OLFM1: variants seen among roughly 807,000 people sequenced by gnomAD.
The protein encoded by OLFM1 is noelin.
OLFM1 carries 9 observed loss-of-function variants against 49.7 expected under a neutral mutation model. That is an observed-to-expected ratio of 0.18 (90% CI 0.11 to 0.32). OLFM1 has a LOEUF of 0.32. OLFM1 is among the 10% of genes least tolerant of loss of function. The pLI, the probability that OLFM1 is intolerant of heterozygous loss-of-function variation, is 1.00. For synonymous variants in OLFM1, 240 were observed against 271.8 expected (o/e 0.88, Z 1.15); for missense variants, 369 against 661.8 (o/e 0.56, Z 4.85).
rs558966792 is a variant in OLFM1, at chr9:135,080,074, A to G, written c.96+4272A>G. On this transcript the variant is annotated intron_variant, in intron 1 of 5. Coordinates refer to the OLFM1 transcript ENST00000252854. This position sits in a 1 kb window ranked among gnomAD's most constrained non-coding sequence, Gnocchi z 4.5. ...CTGACTTAGGCTTTCAGAGAACCCC[A>G]GTGAGGCCCATCCCTCTGAATCTGT... Among the ~76,000 whole-genome samples, 7 of 151,646 alleles carry G rather than the reference A, an allele frequency of 4.6e-5. No individual in the cohort carries two copies. The East Asian group carries it at 1.4e-3, about 30-fold the overall frequency.
chr9:135,099,816 G>A (rs1056997603), intron 4 of OLFM1, among the ~76,000 whole-genome samples: 5 of 152,206 alleles, frequency 3.3e-5, no homozygotes, highest in African/African-American at 9.7e-5. Flanking sequence ...CCCAGGAGGG[G>A]GGTCTGGGCC....
At chr9:135,103,577 G>A (rs1422033228) in intron 4 of OLFM1, among the ~76,000 whole-genome samples, 2 of 152,240 alleles carry the variant, frequency 1.3e-5, no homozygotes, top group Admixed American at 1.3e-4. Context: ...GAGCCAGTGG[G>A]GCCCATGCAG....
At chr9:135,091,590 GTC>G (rs1830693064) in intron 2 of OLFM1, among the ~76,000 whole-genome samples, 1 of 79,318 alleles carries the variant, frequency 1.3e-5, no homozygotes, top group East Asian at 3.5e-4. Flanking sequence ...CACACTCACA[GTC>G]ACACACTCAC....
chr9:135,097,339 G>T lies in OLFM1; in HGVS notation c.457-947G>T, dbSNP rs147420240. 2.9e-3 allele frequency among the ~76,000 whole-genome samples: 438 copies of T among 152,266 alleles called. 3 individuals are homozygous for T. Among genetic ancestry groups the T allele is most frequent in the African/African-American group, 0.01 (419 of 41,552 alleles). On this transcript the variant is annotated intron_variant, in intron 3 of 5. Transcript: ENST00000371793. ...ACATTTTTGTCCTCGCATCTGGCTG[G>T]TCATCATGAATTACTCTGGAGGGAG...
chr9:135,113,423 G>A lies in OLFM1; in HGVS notation c.784-6081G>A, dbSNP rs534272647. ...AACCACCAAGCCCACTCGAGTCCCG[G>A]GCTAAGGACATAAATGATGATAGCT... On this transcript the variant is annotated intron_variant, in intron 5 of 5. Transcript: ENST00000371793. This position sits in a 1 kb window ranked among gnomAD's most constrained non-coding sequence, Gnocchi z 4.0. 4.6e-5 allele frequency among the ~76,000 whole-genome samples: 7 copies of A among 152,260 alleles called. No individual in the cohort carries two copies. In the East Asian group the frequency reaches 1.4e-3, roughly 29 times the overall value.
upstream of OLFM1, among the ~76,000 whole-genome samples, chr9:135,082,957 C>G (rs1009585816): frequency 2.0e-5 from 3 of 152,196 alleles, no homozygotes; most frequent in Non-Finnish European, 2.9e-5. Context: ...CTGGCAGCAC[C>G]AAATCCTTGG....
At chr9:135,097,714 A>T in intron 3 of OLFM1, 1 of 1,296,396 alleles carries the variant, frequency 7.7e-7, no homozygotes, top group Non-Finnish European at 1.1e-6. Flanking sequence ...GTGTTTCCTG[A>T]TGGCTGTCTG....
intron 5 of OLFM1, among the ~76,000 whole-genome samples, chr9:135,114,692 G>A (rs1831072411): frequency 6.6e-6 from 1 of 152,054 alleles, no homozygotes; most frequent in Admixed American, 6.5e-5. Context: ...GCCTGGGGAG[G>A]GAGGGAGGGG....
chr9:135,103,224 C>T (rs1450284468), intron 4 of OLFM1, among the ~76,000 whole-genome samples: 1 of 152,246 alleles, frequency 6.6e-6, no homozygotes, highest in Non-Finnish European at 1.5e-5. Flanking sequence ...CTTGTGTGTG[C>T]ATCCTGAGTG....
intron 4 of OLFM1, among the ~76,000 whole-genome samples, chr9:135,101,125 C>G (rs959543795): frequency 6.6e-6 from 1 of 152,220 alleles, no homozygotes; most frequent in African/African-American, 2.4e-5. Flanking sequence ...AGCCTGTTCC[C>G]TTGCTGGGAG....
intron 5 of OLFM1, among the ~76,000 whole-genome samples, chr9:135,116,892 A>T (rs768008470): frequency 6.6e-6 from 1 of 150,888 alleles, no homozygotes; most frequent in Non-Finnish European, 1.5e-5. Flanking sequence ...AAAAAAAAAG[A>T]TCTCATTAAA....
chr9:135,090,473 C>G (rs1830670047), intron 2 of OLFM1, 129 bp downstream of exon 2: 2 of 930,810 alleles, frequency 2.1e-6, no homozygotes, highest in South Asian at 1.7e-5. Flanking sequence ...TTGACTCTTT[C>G]CTGGTTTGTC....
At chr9:135,097,869 T>C in intron 3 of OLFM1, 3 of 1,596,542 alleles carry the variant, frequency 1.9e-6, no homozygotes, top group Non-Finnish European at 2.6e-6. Flanking sequence ...AGAGAGCTTT[T>C]TGCACCATGC....
chr9:135,120,505 A>C lies in OLFM1; in HGVS notation c.*327A>C, dbSNP rs1831172384. The C allele has an allele frequency of 9.6e-6, 3 of 312,512 alleles. No homozygotes were observed. Among genetic ancestry groups the C allele is most frequent in the Admixed American group, 4.8e-5 (1 of 21,016 alleles). The allele number at this position is 312,512 out of a possible 1,614,324, so 19.4% of individuals were successfully genotyped here. A position where few individuals can be genotyped will look rare whatever the true frequency, so the allele number is the denominator to read the frequency against. ...GTTGGCCAGTTCTCACCGGGGAAAAACCCACTGTTAGGATGGCATGAACAT... is the reference window on the plus strand; with the variant it reads ...GTTGGCCAGTTCTCACCGGGGAAAACCCCACTGTTAGGATGGCATGAACAT... On this transcript the variant is annotated 3_prime_UTR_variant, in exon 6 of 6. Transcript: ENST00000371793.
rs541433434 is a variant in OLFM1, at chr9:135,098,511, C to A, written c.676+6C>A. On this transcript the variant is annotated splice_donor_region_variant and intron_variant, in intron 4 of 5. Transcript: ENST00000371793. The surrounding 1 kb of genome is among the most constrained non-coding windows in gnomAD (Gnocchi z 5.6). ...TGCATGCATGCAAAAACTAGGTAGG[C>A]CCAGTACCCTGCGGGACGTGGCGCT... The A allele has an allele frequency of 6.2e-7, 1 of 1,610,516 alleles. No homozygotes were observed. Among genetic ancestry groups the A allele is most frequent in the South Asian group, 1.1e-5 (1 of 91,020 alleles).
Position 135,119,548 on chromosome 9 carries a change from G to A in OLFM1, c.828G>A (p.Glu276=). The change falls in exon 6 of 6, where the codon GAG becomes GAA. Residue 276 remains glutamate, a synonymous_variant. Transcript: ENST00000371793. ...ATCACAACAACCGCTTCGTACGTGA[G>A]TACAAGTCCATGGTTGACTTCATGA... is the stretch of plus-strand genomic sequence containing the variant. ...DGYHNNRFVR[E]YKSMVDFMNT... is the part of the protein sequence containing the mutation. 4 of 1,613,906 alleles carry A rather than the reference G, an allele frequency of 2.5e-6. No individual in the cohort carries two copies. Among genetic ancestry groups the A allele is most frequent in the East Asian group, 2.2e-5 (1 of 44,882 alleles).
chr9:135,076,527 C>T (rs1830468329), intron 1 of OLFM1: 1 of 1,227,816 alleles, frequency 8.1e-7, no homozygotes, highest in African/African-American at 1.5e-5. Context: ...CATATTGGAG[C>T]TGGCAGGTCT....
chr9:135,104,462 T>C (rs1264468945), intron 4 of OLFM1, among the ~76,000 whole-genome samples: 3 of 152,126 alleles, frequency 2.0e-5, no homozygotes, highest in Non-Finnish European at 2.9e-5. Flanking sequence ...CGGGCGTTAG[T>C]GTGGGCCAGC....
At position 135,095,986 on chromosome 9, in the gene OLFM1, G is replaced by A; in HGVS notation, c.423G>A (p.Glu141=). The change falls in exon 3 of 6, where the codon GAG becomes GAA. Residue 141 remains glutamate (E), a synonymous_variant. Transcript: ENST00000371793. ...AGTCCAAGTTCAAACAGGTGGAGGA[G>A]AGTCATAAGCAACACCTGGCCAGGC... ...GLESKFKQVE[E]SHKQHLARQF... 2 of 1,505,052 alleles carry A rather than the reference G, an allele frequency of 1.3e-6. No homozygotes were observed. The highest frequency in any genetic ancestry group is 1.8e-6 in the Non-Finnish European group (2 of 1,115,862). The allele number at this position is 1,505,052 out of a possible 1,614,324, so 93.2% of individuals were successfully genotyped here.
Sources: gnomAD v4.1 joint callset for allele counts (sites outside exome capture counted in the v4.1 genomes callset) on GRCh38, gnomAD v4.1.1 for gene constraint, Gnocchi (gnomAD v3.1) non-coding constraint, MANE v1.5 for transcripts, NCBI Gene and HGNC (gene_info 2026-07-23, HGNC 2026-07-21) for gene names.